FOXP1: variants seen among roughly 807,000 people sequenced by gnomAD.
FOXP1 encodes the protein forkhead box protein P1.
FOXP1 carries 15 observed loss-of-function variants against 98.2 expected under a neutral mutation model. The observed-to-expected ratio is 0.15, with a 90% CI of 0.10 to 0.24. The LOEUF (loss-of-function observed/expected upper bound fraction) is 0.24. Ranked by LOEUF, FOXP1 falls within the 10% of genes least tolerant of loss-of-function variation. The pLI is 1.00. For missense variants in FOXP1, 633 were observed against 848.5 expected (o/e 0.75, Z 3.15); for synonymous variants, 371 against 314.5 (o/e 1.18, Z -1.90).
intron 7 of FOXP1, among the ~76,000 whole-genome samples, chr3:71,093,614 T>C (rs954046698): frequency 2.0e-5 from 3 of 151,066 alleles, no homozygotes; most frequent in African/African-American, 7.3e-5. Context: ...CTAAGAAATA[T>C]GCAATTCTCT....
At chr3:71,570,234 C>G (rs1214442104) in intron 2 of FOXP1, 1 of 151,772 alleles carries the variant, frequency 6.6e-6, no homozygotes, top group African/African-American at 2.4e-5. Context: ...CTCACTTGGC[C>G]TGGGTAAAGA....
At chr3:71,545,291 CTTTTCTTTGG>C (rs1168684145) in intron 2 of FOXP1, among the ~76,000 whole-genome samples, 7 of 152,262 alleles carry the variant, frequency 4.6e-5, no homozygotes, top group Middle Eastern at 3.4e-3. Context: ...GCCTAATTTT[CTTTTCTTTGG>C]GAAATAGTGA....
rs147000699 is a variant in FOXP1 at position 71,278,842 on chromosome 3, C to T, written c.-12+20978G>A. On this transcript the variant is annotated intron_variant, in intron 5 of 20. Coordinates refer to ENST00000649528, the MANE Select transcript of FOXP1 (RefSeq NM_001349338.3). ...ATACCAATTAAATAATACCCAGCCG[C>T]GCCTTCATGAATCTCTTAGAGGCCT... 5.5e-4 allele frequency among the ~76,000 whole-genome samples: 83 copies of T among 152,006 alleles called. 1 individual carries two copies. The highest frequency in any genetic ancestry group is 1.3e-3 in the African/African-American group (53 of 41,458).
At chr3:71,505,847 C>A (rs898860829) in intron 2 of FOXP1, among the ~76,000 whole-genome samples, 10 of 152,134 alleles carry the variant, frequency 6.6e-5, no homozygotes, top group Non-Finnish European at 1.0e-4. Context: ...CGAATGTCAC[C>A]TGTCACTAAA....
chr3:70,986,384 T>C (rs2039738494), intron 14 of FOXP1, among the ~76,000 whole-genome samples: 2 of 152,212 alleles, frequency 1.3e-5, no homozygotes, highest in South Asian at 4.1e-4. Flanking sequence ...CAGTGCTGGG[T>C]CCAACCATTA....
chr3:71,105,781 C>T (rs1383460228), intron 7 of FOXP1, among the ~76,000 whole-genome samples: 4 of 152,066 alleles, frequency 2.6e-5, no homozygotes, highest in African/African-American at 7.2e-5. Context: ...GAGACACACA[C>T]GCACAGGCAC....
chr3:71,265,674 T>C (rs1011206044), intron 5 of FOXP1, among the ~76,000 whole-genome samples: 1 of 152,218 alleles, frequency 6.6e-6, no homozygotes, highest in Non-Finnish European at 1.5e-5. Context: ...AGGCTAGCTC[T>C]TGCCCTAGTA....
At chr3:71,486,533 G>A (rs552517741) in intron 3 of FOXP1, among the ~76,000 whole-genome samples, 54 of 151,824 alleles carry the variant, frequency 3.6e-4, no homozygotes, top group African/African-American at 1.3e-3. Context: ...GGGCCAAGAG[G>A]GTAACAATTC....
At chr3:70,995,954 G>C (rs769331380) in intron 13 of FOXP1, among the ~76,000 whole-genome samples, 7 of 152,118 alleles carry the variant, frequency 4.6e-5, no homozygotes, top group Non-Finnish European at 7.4e-5. Flanking sequence ...TATTGAAACT[G>C]TGGTTTCGTA....
intron 2 of FOXP1, 193 bp downstream of exon 2, chr3:71,581,355 GA>G: frequency 2.0e-6 from 2 of 985,450 alleles, no homozygotes; most frequent in Non-Finnish European, 2.4e-6. Flanking sequence ...AGAAAGAGGG[GA>G]AAAGGGTGGA....
intron 6 of FOXP1, among the ~76,000 whole-genome samples, chr3:71,123,390 T>C (rs1480632597): frequency 2.0e-5 from 3 of 152,364 alleles, no homozygotes; most frequent in East Asian, 1.9e-4. Context: ...AGTTCACTCA[T>C]CTTCTCTTGG....
At chr3:71,181,557 A>G (rs1208324998) in intron 6 of FOXP1, among the ~76,000 whole-genome samples, 1 of 152,156 alleles carries the variant, frequency 6.6e-6, no homozygotes, top group Non-Finnish European at 1.5e-5. Flanking sequence ...AATGCCTCCA[A>G]TAAAATATTC....
chr3:71,410,270 C>T (rs1272038070), intron 3 of FOXP1, among the ~76,000 whole-genome samples: 1 of 152,212 alleles, frequency 6.6e-6, no homozygotes, highest in Non-Finnish European at 1.5e-5. Context: ...ACTGAAGCTT[C>T]TGAGACACAG....
chr3:71,042,699 G>T (rs1188609544), intron 10 of FOXP1, among the ~76,000 whole-genome samples: 1 of 152,118 alleles, frequency 6.6e-6, no homozygotes, highest in Non-Finnish European at 1.5e-5. Context: ...AGCAGCAGCT[G>T]AAACAGGCAT....
At chr3:71,524,752 A>G (rs1248758747) in intron 2 of FOXP1, among the ~76,000 whole-genome samples, 6 of 152,210 alleles carry the variant, frequency 3.9e-5, no homozygotes, top group African/African-American at 1.2e-4. Flanking sequence ...CTTCTGGTCG[A>G]CTTACAGTGT....
intron 4 of FOXP1, among the ~76,000 whole-genome samples, chr3:71,316,743 C>A (rs563421511): frequency 6.6e-6 from 1 of 151,368 alleles, no homozygotes; most frequent in Non-Finnish European, 1.5e-5. Context: ...CGGCAACCTT[C>A]GCCTCCCAGG....
intron 20 of FOXP1, among the ~76,000 whole-genome samples, chr3:70,962,962 T>C (rs902482022): frequency 4.6e-5 from 7 of 152,386 alleles, no homozygotes; most frequent in African/African-American, 1.4e-4. Flanking sequence ...TTCGTTTACC[T>C]AATTATCCTC....
chr3:71,254,271 G>A (rs1294877839), intron 5 of FOXP1, among the ~76,000 whole-genome samples: 1 of 152,154 alleles, frequency 6.6e-6, no homozygotes, highest in Non-Finnish European at 1.5e-5. Context: ...ATTGGGAGGA[G>A]AAAATTCAGA....
At position 71,098,625 on chromosome 3, in the gene FOXP1, T is replaced by C. The variant is rs191253189; in HGVS notation, c.282+13911A>G. 3.3e-5 allele frequency among the ~76,000 whole-genome samples: 5 copies of C among 152,346 alleles called. No individual in the cohort carries two copies. In the East Asian group the frequency reaches 9.6e-4, roughly 29 times the overall value. ...TCCTTTCTTTTTGGCTTAGGTATTTTACTCCTTCATTCAGTCACTCATTCA... is the reference window on the plus strand; with the variant it reads ...TCCTTTCTTTTTGGCTTAGGTATTTCACTCCTTCATTCAGTCACTCATTCA... On this transcript the variant is annotated intron_variant, in intron 7 of 20. Coordinates refer to ENST00000649528, the MANE Select transcript of FOXP1 (RefSeq NM_001349338.3).
Sources: gnomAD v4.1 joint callset for allele counts (sites outside exome capture counted in the v4.1 genomes callset) on GRCh38, gnomAD v4.1.1 for gene constraint, MANE v1.5 for transcripts, NCBI Gene and HGNC (gene_info 2026-07-23, HGNC 2026-07-21) for gene names.